The following TSC22D1 variants were observed in gnomAD, a reference collection of about 807,000 sequenced individuals.
TSC22D1 encodes TSC22 domain family member 1, also known as TSC22 domain family protein 1.
Under a neutral mutation model 74.2 loss-of-function variants are expected in TSC22D1, and 9 were observed. The ratio of observed to expected loss-of-function variants is 0.12; its 90% CI spans 0.07 to 0.21. TSC22D1 has a LOEUF of 0.21. Ranked by LOEUF, TSC22D1 falls within the 10% of genes least tolerant of loss-of-function variation. The pLI is 1.00. For synonymous variants in TSC22D1, 586 were observed against 492.5 expected (o/e 1.19, Z -2.51); for missense variants, 1,427 against 1,304.7 (o/e 1.09, Z -1.44).
At chr13:44,559,543 G>C (rs1260973646) in intron 1 of TSC22D1, among the ~76,000 whole-genome samples, 1 of 151,462 alleles carries the variant, frequency 6.6e-6, no homozygotes, top group African/African-American at 2.4e-5. Flanking sequence ...TTTTTTTCTT[G>C]AGACAGGGTC....
chr13:44,505,304 G>A (rs1010736377), intron 1 of TSC22D1, among the ~76,000 whole-genome samples: 2 of 152,236 alleles, frequency 1.3e-5, no homozygotes, highest in East Asian at 1.9e-4. Flanking sequence ...GCTCCTGCCT[G>A]TAACCTTGGG....
At chr13:44,554,616 CCCAATACCAGG>C (rs1304534119) in intron 1 of TSC22D1, among the ~76,000 whole-genome samples, 1 of 132,728 alleles carries the variant, frequency 7.5e-6, no homozygotes, top group Non-Finnish European at 1.6e-5. Context: ...AATAAATCAT[CCCAATACCAGG>C]AACAAAAAAA....
At chr13:44,535,538 C>G (rs1282201767) in intron 1 of TSC22D1, among the ~76,000 whole-genome samples, 1 of 151,972 alleles carries the variant, frequency 6.6e-6, no homozygotes, top group African/African-American at 2.4e-5. Flanking sequence ...AAAATAAGAT[C>G]TGTGTACATA....
chr13:44,447,583 A>T (rs1875784426), intron 1 of TSC22D1, among the ~76,000 whole-genome samples: 1 of 152,130 alleles, frequency 6.6e-6, no homozygotes, highest in Admixed American at 6.5e-5. Context: ...TGAGAATTTT[A>T]AAAGTCTTAA....
chr13:44,441,544 C>T (rs1168844575), intron 1 of TSC22D1, among the ~76,000 whole-genome samples: 3 of 152,062 alleles, frequency 2.0e-5, no homozygotes, highest in Non-Finnish European at 2.9e-5. Flanking sequence ...AAATCCTAAT[C>T]TACTACAGCT....
intron 1 of TSC22D1, among the ~76,000 whole-genome samples, chr13:44,559,584 G>C (rs1199163437): frequency 6.6e-6 from 1 of 151,912 alleles, no homozygotes; most frequent in East Asian, 1.9e-4. Context: ...GAGTACAGTT[G>C]TGCCATCACA....
intron 1 of TSC22D1, among the ~76,000 whole-genome samples, chr13:44,519,185 C>A (rs972618847): frequency 6.6e-6 from 1 of 152,128 alleles, no homozygotes; most frequent in Non-Finnish European, 1.5e-5. Context: ...GTGATCTTAT[C>A]TTTCATTGAT....
chr13:44,482,044 T>C (rs1878201222), intron 1 of TSC22D1, among the ~76,000 whole-genome samples: 2 of 152,352 alleles, frequency 1.3e-5, no homozygotes, highest in South Asian at 2.1e-4. Flanking sequence ...ATATAAAGGG[T>C]GCTTAATATA....
At chr13:44,552,847 G>T (rs988494475) in intron 1 of TSC22D1, among the ~76,000 whole-genome samples, 11 of 152,148 alleles carry the variant, frequency 7.2e-5, no homozygotes, top group African/African-American at 2.7e-4. Context: ...AATTAGCCGG[G>T]TGTGGTGGCA....
chr13:44,481,694 T>C (rs192220449), intron 1 of TSC22D1, among the ~76,000 whole-genome samples: 17 of 152,334 alleles, frequency 1.1e-4, no homozygotes, highest in Admixed American at 6.5e-4. Flanking sequence ...TCGTGGTCCA[T>C]GATGCTGGCA....
At position 44,512,502 on chromosome 13, in the gene TSC22D1, G is replaced by A. The variant is rs75175178; in HGVS notation, c.2912+60661C>T. 7.4e-3 allele frequency among the ~76,000 whole-genome samples: 1,125 copies of A among 151,994 alleles called. 13 individuals are homozygous for A. The highest frequency in any genetic ancestry group is 0.026 in the African/African-American group (1,067 of 41,456). On this transcript the variant is annotated intron_variant, in intron 1 of 2. Coordinates refer to ENST00000458659, the MANE Select transcript of TSC22D1 (RefSeq NM_183422.4). ...TTATTTCAAACTCAACATGCCTTAAGCTTAGTGTTTCCTCTGTAAACCTGT... is the reference window on the plus strand; with the variant it reads ...TTATTTCAAACTCAACATGCCTTAAACTTAGTGTTTCCTCTGTAAACCTGT...
At chr13:44,567,714 G>A (rs1302920536) in intron 1 of TSC22D1, among the ~76,000 whole-genome samples, 1 of 151,918 alleles carries the variant, frequency 6.6e-6, no homozygotes, top group African/African-American at 2.4e-5. Flanking sequence ...AAAATTAGAA[G>A]ACCAGTCAAG....
At chr13:44,541,995 T>TA (rs1881499897) in intron 1 of TSC22D1, among the ~76,000 whole-genome samples, 1 of 152,136 alleles carries the variant, frequency 6.6e-6, no homozygotes, top group South Asian at 2.1e-4. Context: ...TTCTTTTTCA[T>TA]ATAGTAATAG....
intron 1 of TSC22D1, among the ~76,000 whole-genome samples, chr13:44,465,387 G>A (rs376085059): frequency 3.9e-5 from 6 of 152,184 alleles, no homozygotes; most frequent in Admixed American, 2.6e-4. Context: ...GGGGGGACAC[G>A]AGCATGACAA....
At chr13:44,482,483 G>A (rs1281254430) in intron 1 of TSC22D1, among the ~76,000 whole-genome samples, 1 of 152,156 alleles carries the variant, frequency 6.6e-6, no homozygotes, top group African/African-American at 2.4e-5. Context: ...GGGCTGCAGT[G>A]AGCCGAGATC....
At chr13:44,442,053 T>C (rs1421942770) in intron 1 of TSC22D1, among the ~76,000 whole-genome samples, 1 of 152,012 alleles carries the variant, frequency 6.6e-6, no homozygotes, top group East Asian at 1.9e-4. Context: ...TAAGTCTCCT[T>C]CTGAATGCTT....
At chr13:44,573,041 G>T in intron 1 of TSC22D1, 122 bp downstream of exon 1, 1 of 1,385,838 alleles carries the variant, frequency 7.2e-7, no homozygotes, top group Non-Finnish European at 9.5e-7. Context: ...CCATAAAAAT[G>T]CATTTTTCAC....
At chr13:44,525,352 C>G (rs1035005610) in intron 1 of TSC22D1, among the ~76,000 whole-genome samples, 1 of 152,060 alleles carries the variant, frequency 6.6e-6, no homozygotes, top group Non-Finnish European at 1.5e-5. Context: ...TTTGGGAAAC[C>G]GAGGCAGGAG....
At chr13:44,473,538 A>G (rs1377146800) in intron 1 of TSC22D1, among the ~76,000 whole-genome samples, 2 of 152,076 alleles carry the variant, frequency 1.3e-5, no homozygotes, top group East Asian at 3.9e-4. Flanking sequence ...AAAACTGTAC[A>G]ATTGGATGAG....
Sources: allele counts gnomAD v4.1 joint callset (sites outside exome capture counted in the v4.1 genomes callset), GRCh38; gene constraint gnomAD v4.1.1; transcripts MANE v1.5; gene names NCBI Gene and HGNC (gene_info 2026-07-23, HGNC 2026-07-21).